MTHFD2L: variants seen among roughly 807,000 people sequenced by gnomAD.
The protein encoded by MTHFD2L is methylenetetrahydrofolate dehydrogenase (NADP+ dependent) 2 like.
In MTHFD2L, 29 loss-of-function variants were observed where a neutral mutation model predicts 34.9. The observed-to-expected ratio is 0.83, with a 90% CI of 0.62 to 1.13. The LOEUF (loss-of-function observed/expected upper bound fraction) is 1.13. Ranked by LOEUF, MTHFD2L falls within the 50% of genes most tolerant of loss-of-function variation. The pLI, the probability that MTHFD2L is intolerant of heterozygous loss-of-function variation, is 0.00. For missense variants in MTHFD2L, 481 were observed against 446.5 expected (o/e 1.08, Z -0.70); for synonymous variants, 167 against 155.7 (o/e 1.07, Z -0.54).
chr4:74,220,312 G>A (rs886139290), intron 5 of MTHFD2L, among the ~76,000 whole-genome samples: 7 of 151,898 alleles, frequency 4.6e-5, no homozygotes, highest in Non-Finnish European at 1.0e-4. Flanking sequence ...ATAACCAAGG[G>A]AGACTTTTAG....
chr4:74,175,498 A>G (rs770895983), intron 3 of MTHFD2L, 95 bp downstream of exon 3: 31 of 1,294,836 alleles, frequency 2.4e-5, no homozygotes, highest in South Asian at 5.8e-5. Context: ...TAATTTATAA[A>G]ATACATTCAG....
chr4:74,293,488 G>T (rs1310148851), intron 7 of MTHFD2L: 1 of 979,982 alleles, frequency 1.0e-6, no homozygotes, highest in African/African-American at 1.8e-5. Context: ...ACTGACCACA[G>T]GATGCCACGA....
chr4:74,274,001 A>G (rs1241773717), intron 6 of MTHFD2L, among the ~76,000 whole-genome samples: 2 of 147,528 alleles, frequency 1.4e-5, no homozygotes, highest in African/African-American at 5.3e-5. Flanking sequence ...TCAGTCCTCA[A>G]GAACAGTTTG....
chr4:74,138,214 C>T (rs904949233), intron 1 of MTHFD2L, among the ~76,000 whole-genome samples: 1 of 152,104 alleles, frequency 6.6e-6, no homozygotes, highest in African/African-American at 2.4e-5. Flanking sequence ...CATGGCTCCT[C>T]CTTTGCTATT....
At chr4:74,291,378 T>C (rs1748942638) in intron 7 of MTHFD2L, among the ~76,000 whole-genome samples, 1 of 152,102 alleles carries the variant, frequency 6.6e-6, no homozygotes, top group Non-Finnish European at 1.5e-5. Flanking sequence ...ACTGTTTATT[T>C]GTATGAACAT....
chr4:74,292,394 T>C (rs981129955), intron 7 of MTHFD2L, among the ~76,000 whole-genome samples: 4 of 152,206 alleles, frequency 2.6e-5, no homozygotes, highest in Non-Finnish European at 5.9e-5. Context: ...TTTATAGTTG[T>C]TTCTCAGTGA....
chr4:74,207,781 T>TTTTTTTTTTTC, intron 5 of MTHFD2L, among the ~76,000 whole-genome samples: 1 of 151,584 alleles, frequency 6.6e-6, no homozygotes, highest in Admixed American at 6.6e-5. Flanking sequence ...TTTTTTTTTT[T>TTTTTTTTTTTC]TGCCAGCCTG....
intron 6 of MTHFD2L, among the ~76,000 whole-genome samples, chr4:74,240,280 T>C (rs1741507166): frequency 6.6e-6 from 1 of 152,206 alleles, no homozygotes; most frequent in African/African-American, 2.4e-5. Flanking sequence ...TAAATATTTT[T>C]TAAAACTTTT....
Position 74,199,943 on chromosome 4 carries a change from A to G in MTHFD2L, c.601A>G (p.Thr201Ala), listed in dbSNP as rs1734135269. ...ASAVWEIIKR[T>A]GIQTFGKNVV... ...TGCTGTTTGGGAAATAATAAAAAGA[A>G]CAGGTTGGTAATTTGTGGTCTGCAG... Residue 201 changes from threonine (T) to alanine (A), a missense_variant, in exon 4 of 8, where the codon ACA becomes GCA. Transcript: ENST00000325278. The G allele has an allele frequency of 1.2e-6, 2 of 1,613,960 alleles. No homozygotes were observed. Among genetic ancestry groups the G allele is most frequent in the Non-Finnish European group, 1.7e-6 (2 of 1,179,922 alleles).
intron 1 of MTHFD2L, among the ~76,000 whole-genome samples, chr4:74,148,758 C>T (rs1045501104): frequency 4.0e-5 from 6 of 151,642 alleles, no homozygotes; most frequent in Non-Finnish European, 7.4e-5. Flanking sequence ...ATAAGTGCAT[C>T]GAGAGTCATA....
intron 6 of MTHFD2L, chr4:74,267,890 T>C (rs1745511131): frequency 1.0e-6 from 1 of 985,208 alleles, no homozygotes; most frequent in African/African-American, 1.7e-5. Context: ...GACGATCCAA[T>C]ATGGCACAGA....
Position 74,150,242 on chromosome 4 carries a change from A to G in MTHFD2L, c.-296-9813A>G, listed in dbSNP as rs117992577. On this transcript the variant is annotated intron_variant, in intron 1 of 7. Coordinates refer to the MTHFD2L transcript ENST00000433372. ...TTCTATCTTAAAGAAATGTAACACC[A>G]TAAGTTTTTGTTGTTGTTGTTTGTT... Among the ~76,000 whole-genome samples the G allele has an allele frequency of 1.9e-3, 292 of 152,250 alleles. 1 individual carries two copies. The East Asian group carries it at 0.029, about 15-fold the overall frequency.
At chr4:74,181,124 G>C (rs907301252) in intron 3 of MTHFD2L, among the ~76,000 whole-genome samples, 18 of 152,044 alleles carry the variant, frequency 1.2e-4, no homozygotes, top group African/African-American at 4.1e-4. Context: ...GAAGCACACT[G>C]GAATTCTGCT....
At chr4:74,255,181 C>CAGT (rs1743867390) in intron 6 of MTHFD2L, among the ~76,000 whole-genome samples, 1 of 106,630 alleles carries the variant, frequency 9.4e-6, no homozygotes, top group African/African-American at 3.6e-5. Flanking sequence ...AATGGGTATA[C>CAGT]AGTATAAAAA....
intron 3 of MTHFD2L, among the ~76,000 whole-genome samples, chr4:74,189,001 G>T (rs1409704464): frequency 6.6e-6 from 1 of 151,914 alleles, no homozygotes; most frequent in African/African-American, 2.4e-5. Flanking sequence ...CAGGACTCAG[G>T]ATGAAATTTA....
chr4:74,143,082 A>G (rs1375376914), intron 1 of MTHFD2L, among the ~76,000 whole-genome samples: 1 of 152,216 alleles, frequency 6.6e-6, no homozygotes. Flanking sequence ...TTTGGTGTAG[A>G]TGTCCACACT....
chr4:74,230,701 G>A (rs1197376332), intron 6 of MTHFD2L, among the ~76,000 whole-genome samples: 1 of 152,150 alleles, frequency 6.6e-6, no homozygotes, highest in Non-Finnish European at 1.5e-5. Flanking sequence ...GTTGAAAGGG[G>A]AGGAGCAGTT....
intron 1 of MTHFD2L, among the ~76,000 whole-genome samples, chr4:74,168,637 T>G (rs1001273698): frequency 6.6e-6 from 1 of 152,224 alleles, no homozygotes; most frequent in African/African-American, 2.4e-5. Flanking sequence ...AAAATAGTTT[T>G]CAGCACATAG....
At chr4:74,148,381 T>A (rs907972737) in intron 1 of MTHFD2L, among the ~76,000 whole-genome samples, 1 of 58,892 alleles carries the variant, frequency 1.7e-5, no homozygotes, top group African/African-American at 6.8e-5. Context: ...ATTTATTTAT[T>A]TATTTATTTA....
Sources: allele counts gnomAD v4.1 joint callset (sites outside exome capture counted in the v4.1 genomes callset), GRCh38; gene constraint gnomAD v4.1.1; transcripts MANE v1.5; gene names NCBI Gene and HGNC (gene_info 2026-07-23, HGNC 2026-07-21).